The following CRTAP variants were observed in gnomAD, a reference collection of about 807,000 sequenced individuals.
CRTAP encodes cartilage-associated protein.
Under a neutral mutation model 42.7 loss-of-function variants are expected in CRTAP, and 33 were observed. The ratio of observed to expected loss-of-function variants is 0.77; its 90% CI spans 0.59 to 1.03. The LOEUF is 1.03. Ranked by LOEUF, CRTAP falls within the 50% of genes least tolerant of loss-of-function variation. The pLI, the probability that CRTAP is intolerant of heterozygous loss-of-function variation, is 0.00. For synonymous variants in CRTAP, 243 were observed against 217.7 expected (o/e 1.12, Z -1.02); for missense variants, 613 against 533.9 (o/e 1.15, Z -1.46).
intron 6 of CRTAP, among the ~76,000 whole-genome samples, chr3:33,136,891 A>G (rs1370860633): frequency 6.6e-6 from 1 of 152,168 alleles, no homozygotes; most frequent in Admixed American, 6.5e-5. Context: ...TGGAGGGGAC[A>G]TATATCCAAA....
intron 1 of CRTAP, among the ~76,000 whole-genome samples, chr3:33,117,577 G>A (rs1437766203): frequency 6.6e-6 from 1 of 152,216 alleles, no homozygotes; most frequent in African/African-American, 2.4e-5. Context: ...CTTAATGACT[G>A]TTGAGCTCTA....
At chr3:33,124,259 C>T in intron 2 of CRTAP, 149 bp from the exon 3 acceptor site, 1 of 786,054 alleles carries the variant, frequency 1.3e-6, no homozygotes, top group Non-Finnish European at 2.2e-6. Context: ...TATAAAGTAA[C>T]TCACTGATTG....
chr3:33,127,243 A>G (rs148155064), intron 3 of CRTAP, among the ~76,000 whole-genome samples: 5 of 151,682 alleles, frequency 3.3e-5, no homozygotes, highest in African/African-American at 4.8e-5. Context: ...CTCTCACAGT[A>G]TAGATATATA....
rs747772727 is a variant in CRTAP, at chr3:33,129,996, T to C, written c.851T>C (p.Val284Ala). Residue 284 changes from valine (V) to alanine (A), a missense_variant, in exon 4 of 7, where the codon GTT (valine) becomes GCT (alanine). Val to Ala is a moderately conservative substitution (Grantham distance 64). Coordinates refer to ENST00000320954, the MANE Select transcript of CRTAP (RefSeq NM_006371.5). ...KIQCEENLTP[V>A]IGGYPVEKFV... ...CAGTGTGAAGAGAACCTCACCCCAG[T>C]TATAGGAGGCTATCCGGTTGAGAAA... is the stretch of plus-strand genomic sequence containing the variant. 9.3e-6 allele frequency: 15 copies of C among 1,613,322 alleles called. No homozygotes were observed. In the East Asian group the frequency reaches 3.3e-4, roughly 36 times the overall value.
At chr3:33,118,265 C>G (rs1021287866) in intron 1 of CRTAP, among the ~76,000 whole-genome samples, 4 of 152,164 alleles carry the variant, frequency 2.6e-5, no homozygotes, top group African/African-American at 9.7e-5. Flanking sequence ...GGCCTCTGTG[C>G]CCCTCTTTCT....
chr3:33,128,471 C>A (rs2030142531), intron 3 of CRTAP, among the ~76,000 whole-genome samples: 1 of 152,178 alleles, frequency 6.6e-6, no homozygotes, highest in South Asian at 2.1e-4. Flanking sequence ...TTCACAGTTA[C>A]ATTCAGGTTG....
chr3:33,135,271 C>T (rs2030387391), intron 6 of CRTAP, among the ~76,000 whole-genome samples: 1 of 152,160 alleles, frequency 6.6e-6, no homozygotes, highest in Non-Finnish European at 1.5e-5. Context: ...AGGGGCCATT[C>T]CCCCATTCCC....
chr3:33,128,663 A>G (rs1289960508), intron 3 of CRTAP, among the ~76,000 whole-genome samples: 2 of 152,206 alleles, frequency 1.3e-5, no homozygotes, highest in African/African-American at 2.4e-5. Context: ...GAGTCAACCA[A>G]AGTGGAAATA....
chr3:33,116,303 G>A (rs1701342875), intron 1 of CRTAP, among the ~76,000 whole-genome samples: 1 of 152,124 alleles, frequency 6.6e-6, no homozygotes, highest in Non-Finnish European at 1.5e-5. Context: ...ACCCTTTACA[G>A]GTCTTGTAAC....
At chr3:33,118,552 T>C (rs1701374654) in intron 1 of CRTAP, among the ~76,000 whole-genome samples, 1 of 152,222 alleles carries the variant, frequency 6.6e-6, no homozygotes, top group Non-Finnish European at 1.5e-5. Context: ...TGGTTCCAAT[T>C]CTGGGGCAAT....
At chr3:33,134,982 T>C (rs1216866296) in intron 6 of CRTAP, among the ~76,000 whole-genome samples, 2 of 152,238 alleles carry the variant, frequency 1.3e-5, no homozygotes, top group African/African-American at 4.8e-5. Flanking sequence ...GCTCTTCCTA[T>C]ACCCGTTTTA....
In CRTAP at chr3:33,116,686, C is replaced by G. The variant is rs1033461473; in HGVS notation, c.471+2138C>G. 2.6e-5 allele frequency among the ~76,000 whole-genome samples: 4 copies of G among 152,230 alleles called. No individual in the cohort carries two copies. The South Asian group carries it at 6.2e-4, about 24-fold the overall frequency. On this transcript the variant is annotated intron_variant, in intron 1 of 6. Coordinates refer to ENST00000320954, the MANE Select transcript of CRTAP (RefSeq NM_006371.5). Reference sequence around the variant, plus strand: ...GGCCACCATCTTAACATTTTGAGATCTCATATAGGGCAGGAAAAAGCTAAG... The same window carrying G: ...GGCCACCATCTTAACATTTTGAGATGTCATATAGGGCAGGAAAAAGCTAAG...
At chr3:33,135,606 C>T (rs79798958) in intron 6 of CRTAP, among the ~76,000 whole-genome samples, 1 of 86,956 alleles carries the variant, frequency 1.2e-5, no homozygotes, top group African/African-American at 4.4e-5. Context: ...GACCCTGCCT[C>T]AAAAAAAAAA....
In CRTAP at chr3:33,132,406, G is replaced by A. The variant is rs375252598; in HGVS notation, c.923-149G>A. ...GCCGTGGAGACCCCATCTGTGGCCT[G>A]CCCACCCAGGGCTGCCAGTCGGCCC... On this transcript the variant is annotated intron_variant, in intron 4 of 6. Coordinates refer to ENST00000320954, the MANE Select transcript of CRTAP (RefSeq NM_006371.5). The A allele has an allele frequency of 1.7e-5, 19 of 1,101,442 alleles. No homozygotes were observed. In the East Asian group the frequency reaches 3.6e-4, roughly 21 times the overall value. The allele number at this position is 1,101,442 out of a possible 1,614,324, so 68.2% of individuals were successfully genotyped here. A position where few individuals can be genotyped will look rare whatever the true frequency, so the allele number is the denominator to read the frequency against.
chr3:33,139,999 C>A (rs2030531198), intron 6 of CRTAP, among the ~76,000 whole-genome samples: 1 of 152,180 alleles, frequency 6.6e-6, no homozygotes, highest in Middle Eastern at 3.2e-3. Context: ...ATAGCAGGGA[C>A]TAAATTGTTT....
At chr3:33,119,618 G>A (rs1701390531) in intron 1 of CRTAP, among the ~76,000 whole-genome samples, 1 of 152,204 alleles carries the variant, frequency 6.6e-6, no homozygotes, top group Non-Finnish European at 1.5e-5. Context: ...GAGTCATTGA[G>A]AATGTTAGCA....
chr3:33,129,793 T>C, intron 3 of CRTAP, 146 bp from the exon 4 acceptor site: 1 of 658,924 alleles, frequency 1.5e-6, no homozygotes, highest in Non-Finnish European at 2.7e-6. Flanking sequence ...CGCCTCAGCC[T>C]CCCGAAGTGC....
intron 6 of CRTAP, among the ~76,000 whole-genome samples, chr3:33,139,420 G>T (rs962789043): frequency 1.3e-4 from 19 of 151,790 alleles, no homozygotes; most frequent in Admixed American, 3.9e-4. Flanking sequence ...TTAGCTGGGG[G>T]TTTTTTGTAG....
chr3:33,129,801 T>G (rs1447127027), intron 3 of CRTAP, 138 bp from the exon 4 acceptor site: 7 of 713,174 alleles, frequency 9.8e-6, no homozygotes, highest in Middle Eastern at 3.5e-4. Flanking sequence ...CCTCCCGAAG[T>G]GCTGGGATTA....
Sources: allele counts gnomAD v4.1 joint callset (sites outside exome capture counted in the v4.1 genomes callset), GRCh38; gene constraint gnomAD v4.1.1; transcripts MANE v1.5; gene names NCBI Gene and HGNC (gene_info 2026-07-23, HGNC 2026-07-21).